Variants in ITGB6 observed in about 807,000 individuals in gnomAD.
ITGB6 encodes the protein integrin subunit beta 6.
ITGB6 carries 80 observed loss-of-function variants against 84.5 expected under a neutral mutation model. The observed-to-expected ratio is 0.95, with a 90% confidence interval of 0.79 to 1.14. The LOEUF is 1.14. Ranked by LOEUF, ITGB6 falls within the 50% of genes most tolerant of loss-of-function variation. The pLI, the probability that ITGB6 is intolerant of heterozygous loss-of-function variation, is 0.00. For missense variants in ITGB6, 1,006 were observed against 968.0 expected, an observed-to-expected ratio of 1.04 and a Z score of -0.52; for synonymous variants, 383 against 354.9, an observed-to-expected ratio of 1.08 and a Z score of -0.89.
intron 11 of ITGB6, 72 bp downstream of exon 11, chr2:160,126,307 A>G (rs1465582899): frequency 5.7e-6 from 8 of 1,411,952 alleles, no homozygotes; most frequent in Non-Finnish European, 8.0e-6. Context: ...GTCTGAGTTT[A>G]CAAAATGCCA....
intron 8 of ITGB6, among the ~76,000 whole-genome samples, chr2:160,139,166 A>G (rs1683891033): frequency 6.6e-6 from 1 of 152,184 alleles, no homozygotes; most frequent in Non-Finnish European, 1.5e-5. Context: ...TCTGTATTGT[A>G]GGTGAACCAA....
chr2:160,190,863 A>G (rs567637286), intron 4 of ITGB6, among the ~76,000 whole-genome samples: 10 of 152,256 alleles, frequency 6.6e-5, no homozygotes, highest in South Asian at 6.2e-4. Context: ...TCCCATGGTT[A>G]TTATTGTACT....
chr2:160,179,296 G>A (rs1447749185), intron 4 of ITGB6, among the ~76,000 whole-genome samples: 1 of 151,470 alleles, frequency 6.6e-6, no homozygotes, highest in Non-Finnish European at 1.5e-5. Flanking sequence ...TATTACCTTT[G>A]CAATAAGAAA....
intron 11 of ITGB6, among the ~76,000 whole-genome samples, chr2:160,124,099 G>A (rs1353540953): frequency 2.0e-5 from 3 of 152,180 alleles, no homozygotes; most frequent in Non-Finnish European, 4.4e-5. Context: ...TGTTCCCTGG[G>A]CCAGTCTTGA....
At chr2:160,111,835 C>G (rs1297579348) in intron 13 of ITGB6, among the ~76,000 whole-genome samples, 1 of 152,132 alleles carries the variant, frequency 6.6e-6, no homozygotes, top group Non-Finnish European at 1.5e-5. Flanking sequence ...CCTCCTCGGC[C>G]TCCCAAAGTG....
At position 160,195,539 on chromosome 2, in the gene ITGB6, G is replaced by T; in HGVS notation, c.423C>A (p.Leu141=). ...TGAGGTCGTCATCCATGGAGGCGGA[G>T]AGGTCCATGAGGTAATACAAATCCA... is the stretch of plus-strand genomic sequence containing the variant. ...YPVDLYYLMD[L]SASMDDDLNT... The change falls in exon 4 of 15, where the codon CTC becomes CTA. Residue 141 remains leucine (L), a synonymous_variant. Coordinates refer to ENST00000283249, the MANE Select transcript of ITGB6 (RefSeq NM_000888.5). 6.2e-7 allele frequency: 1 copy of T among 1,614,114 alleles called. No homozygotes were observed. Among genetic ancestry groups the T allele is most frequent in the Non-Finnish European group, 8.5e-7 (1 of 1,179,964 alleles).
intron 7 of ITGB6, among the ~76,000 whole-genome samples, chr2:160,166,527 G>A (rs1299838210): frequency 2.0e-5 from 3 of 152,048 alleles, no homozygotes; most frequent in Non-Finnish European, 4.4e-5. Context: ...AGACAGTTGA[G>A]GTTTAGTGGC....
intron 5 of ITGB6, 52 bp from the exon 6 acceptor site, chr2:160,172,782 T>C (rs529652863): frequency 1.4e-5 from 20 of 1,435,958 alleles, no homozygotes; most frequent in South Asian, 4.7e-5. Context: ...CAGGCATTTA[T>C]TGAGTGTGGA....
At chr2:160,102,196 G>A (rs571431337) in intron 14 of ITGB6, among the ~76,000 whole-genome samples, 2 of 152,246 alleles carry the variant, frequency 1.3e-5, no homozygotes, top group Admixed American at 1.3e-4. Flanking sequence ...AACAGTGACA[G>A]ATGAACCAAA....
intron 7 of ITGB6, among the ~76,000 whole-genome samples, chr2:160,144,814 A>C (rs551096227): frequency 6.6e-6 from 1 of 152,332 alleles, no homozygotes; most frequent in South Asian, 2.1e-4. Flanking sequence ...GGCTATTAGG[A>C]CAAGTGGTTA....
intron 7 of ITGB6, among the ~76,000 whole-genome samples, chr2:160,161,777 C>T (rs1684825776): frequency 6.6e-6 from 1 of 152,056 alleles, no homozygotes; most frequent in Non-Finnish European, 1.5e-5. Flanking sequence ...GTCATACTTC[C>T]ACACTACATT....
At chr2:160,177,711 T>C (rs934339943) in intron 4 of ITGB6, among the ~76,000 whole-genome samples, 6 of 152,204 alleles carry the variant, frequency 3.9e-5, no homozygotes, top group African/African-American at 1.4e-4. Context: ...AAATCTAAGA[T>C]GCATTTTTAA....
chr2:160,134,026 C>G (rs1311840272), intron 10 of ITGB6, among the ~76,000 whole-genome samples: 2 of 152,068 alleles, frequency 1.3e-5, no homozygotes, highest in Non-Finnish European at 2.9e-5. Context: ...ACACTCAAAA[C>G]TAGCAGAAGG....
chr2:160,155,842 G>C (rs1211486658), intron 7 of ITGB6, among the ~76,000 whole-genome samples: 1 of 152,140 alleles, frequency 6.6e-6, no homozygotes, highest in Non-Finnish European at 1.5e-5. Context: ...TCAACATCAG[G>C]AATCTCTAGA....
intron 11 of ITGB6, among the ~76,000 whole-genome samples, chr2:160,124,799 G>A (rs1215203529): frequency 6.6e-6 from 1 of 152,160 alleles, no homozygotes; most frequent in Admixed American, 6.5e-5. Flanking sequence ...CTAAACCTTA[G>A]ACCAATCAGT....
At chr2:160,121,989 G>C (rs988966118) in intron 12 of ITGB6, among the ~76,000 whole-genome samples, 1 of 151,204 alleles carries the variant, frequency 6.6e-6, no homozygotes, top group African/African-American at 2.4e-5. Context: ...AATATTATGC[G>C]ATCATTTCAA....
At chr2:160,163,969 G>T (rs1346386955) in intron 7 of ITGB6, among the ~76,000 whole-genome samples, 1 of 152,132 alleles carries the variant, frequency 6.6e-6, no homozygotes. Flanking sequence ...TGAAGGGCTT[G>T]GTCCAACACC....
chr2:160,136,133 GA>G (rs1683703384), intron 10 of ITGB6, among the ~76,000 whole-genome samples: 1 of 151,980 alleles, frequency 6.6e-6, no homozygotes, highest in Non-Finnish European at 1.5e-5. Context: ...CAGAATGGGA[GA>G]AAATTTTTGC....
intron 13 of ITGB6, among the ~76,000 whole-genome samples, chr2:160,111,027 C>T (rs1031880255): frequency 4.6e-5 from 7 of 152,072 alleles, no homozygotes; most frequent in Admixed American, 1.3e-4. Context: ...GGCATCTGTG[C>T]GTGCTCTGCA....
Sources: allele counts gnomAD v4.1 joint callset (sites outside exome capture counted in the v4.1 genomes callset), GRCh38; gene constraint gnomAD v4.1.1; transcripts MANE v1.5; gene names NCBI Gene and HGNC (gene_info 2026-07-23, HGNC 2026-07-21).